PCDH15: variants seen among roughly 807,000 people sequenced by gnomAD.
PCDH15 encodes the protein protocadherin-15.
In PCDH15, 129 loss-of-function variants were observed where a neutral mutation model predicts 178.5. The ratio of observed to expected loss-of-function variants is 0.72; its 90% CI spans 0.63 to 0.84. The LOEUF (loss-of-function observed/expected upper bound fraction) is 0.84. Ranked by LOEUF, PCDH15 falls within the 40% of genes least tolerant of loss-of-function variation. The pLI, the probability that PCDH15 is intolerant of heterozygous loss-of-function variation, is 0.00. For missense variants in PCDH15, 2,230 were observed against 2,099.9 expected (o/e 1.06, Z -1.21); for synonymous variants, 800 against 732.0 (o/e 1.09, Z -1.50).
chr10:55,491,699 G>A (rs552844902), intron 2 of PCDH15, among the ~76,000 whole-genome samples: 69 of 150,292 alleles, frequency 4.6e-4, no homozygotes, highest in Admixed American at 4.4e-3. Flanking sequence ...TACACATGGA[G>A]CTCTTCAAAT....
chr10:54,505,253 GT>G, intron 3 of PCDH15, among the ~76,000 whole-genome samples: 1 of 152,100 alleles, frequency 6.6e-6, no homozygotes, highest in African/African-American at 2.4e-5. Flanking sequence ...ATATTACAAA[GT>G]TATTTTCAGT....
At chr10:54,815,753 A>G (rs544421772) in intron 3 of PCDH15, among the ~76,000 whole-genome samples, 103 of 152,210 alleles carry the variant, frequency 6.8e-4, no homozygotes, top group African/African-American at 2.3e-3. Context: ...TGCTATATAG[A>G]TTGAGGTCTG....
In PCDH15 at chr10:53,866,637, C is replaced by T. The variant is rs1190345097; in HGVS notation, c.3717+5G>A. On this transcript the variant is annotated splice_donor_5th_base_variant and intron_variant, in intron 27 of 37. Coordinates refer to ENST00000644397, the MANE Select transcript of PCDH15 (RefSeq NM_001384140.1). Reference sequence around the variant, plus strand: ...CTTCCCTTTCCTGAAGTTTTATCTACTTACGAGTACATCGGCTTTGCCGCT... The same window carrying T: ...CTTCCCTTTCCTGAAGTTTTATCTATTTACGAGTACATCGGCTTTGCCGCT... 1 of 1,612,162 alleles carries T rather than the reference C, an allele frequency of 6.2e-7. No individual in the cohort carries two copies. The highest frequency in any genetic ancestry group is 8.5e-7 in the Non-Finnish European group (1 of 1,178,472).
chr10:54,467,077 A>G (rs998370102), intron 3 of PCDH15, among the ~76,000 whole-genome samples: 2 of 151,910 alleles, frequency 1.3e-5, no homozygotes, highest in African/African-American at 2.4e-5. Context: ...ATTTTCCTAG[A>G]TAGAAGATTA....
intron 2 of PCDH15, among the ~76,000 whole-genome samples, chr10:55,550,602 A>T (rs2132087357): frequency 6.6e-6 from 1 of 152,288 alleles, no homozygotes; most frequent in South Asian, 2.1e-4. Flanking sequence ...ACTTACTATT[A>T]TTTCACATTT....
intron 2 of PCDH15, among the ~76,000 whole-genome samples, chr10:54,996,280 C>T (rs1025873837): frequency 6.6e-6 from 1 of 152,168 alleles, no homozygotes; most frequent in African/African-American, 2.4e-5. Flanking sequence ...TGACATTTGA[C>T]ATCTGAGTTT....
intron 2 of PCDH15, among the ~76,000 whole-genome samples, chr10:55,471,307 G>C (rs1206075320): frequency 6.6e-6 from 1 of 152,020 alleles, no homozygotes; most frequent in Non-Finnish European, 1.5e-5. Flanking sequence ...TTATTAAATA[G>C]CCTTTAGTTT....
intron 1 of PCDH15, among the ~76,000 whole-genome samples, chr10:54,735,073 A>G (rs1443608103): frequency 6.6e-6 from 1 of 152,092 alleles, no homozygotes; most frequent in Admixed American, 6.6e-5. Context: ...AAATCATAAT[A>G]CAACTGACTT....
intron 18 of PCDH15, among the ~76,000 whole-genome samples, chr10:54,066,512 A>G (rs2094139609): frequency 1.3e-5 from 2 of 152,210 alleles, no homozygotes; most frequent in Non-Finnish European, 2.9e-5. Context: ...AAAAATATAT[A>G]TTAAATTAGC....
intron 1 of PCDH15, among the ~76,000 whole-genome samples, chr10:54,776,286 G>A (rs993701764): frequency 1.3e-5 from 2 of 152,074 alleles, no homozygotes; most frequent in Non-Finnish European, 2.9e-5. Context: ...TGGATAAATG[G>A]TCAATAGTGA....
chr10:55,339,290 T>TAACAACAACAACAAC (rs34058084), intron 2 of PCDH15, among the ~76,000 whole-genome samples: 4 of 150,534 alleles, frequency 2.7e-5, no homozygotes, highest in African/African-American at 9.8e-5. Context: ...CCATAACAAT[T>TAACAACAACAACAAC]AACAACAACA....
rs149340455 is a variant in PCDH15, at chr10:53,920,440, A to G, written c.3374-17070T>C. ...ATATTAGGATATTACAATATAATTG[A>G]AAAAGATATATAATTTAAAAAAATC... On this transcript the variant is annotated intron_variant, in intron 25 of 37. Coordinates refer to ENST00000644397, the MANE Select transcript of PCDH15 (RefSeq NM_001384140.1). Among the ~76,000 whole-genome samples the G allele has an allele frequency of 1.1e-4, 17 of 152,150 alleles. No individual in the cohort carries two copies. The East Asian group carries it at 2.9e-3, about 26-fold the overall frequency.
chr10:55,561,096 T>C (rs1449715176), intron 2 of PCDH15, among the ~76,000 whole-genome samples: 1 of 151,782 alleles, frequency 6.6e-6, no homozygotes, highest in East Asian at 1.9e-4. Flanking sequence ...AACTCAGGTG[T>C]TATCTAGGGA....
intron 21 of PCDH15, among the ~76,000 whole-genome samples, chr10:53,974,678 T>G (rs1349808511): frequency 1.3e-5 from 2 of 152,198 alleles, no homozygotes; most frequent in African/African-American, 4.8e-5. Context: ...GCTGCCTTAG[T>G]GATCACTCTT....
At chr10:54,652,682 G>T (rs2094289734) in intron 2 of PCDH15, among the ~76,000 whole-genome samples, 1 of 152,124 alleles carries the variant, frequency 6.6e-6, no homozygotes, top group African/African-American at 2.4e-5. Context: ...CTGTACAGAA[G>T]GGCAACAATG....
intron 3 of PCDH15, among the ~76,000 whole-genome samples, chr10:54,462,078 G>A (rs10159825): frequency 0.057 from 8,697 of 151,862 alleles, 600 homozygotes; most frequent in African/African-American, 0.17. Flanking sequence ...ATCTTCACTG[G>A]TTATCCTTTT....
At position 54,079,397 on chromosome 10, in the gene PCDH15, TGCTTTC is replaced by T. The variant is rs775642616; in HGVS notation, c.2019_2024del (p.Lys674_Ala675del). The T allele has an allele frequency of 6.2e-7, 1 of 1,614,124 alleles. No homozygotes were observed. The highest frequency in any genetic ancestry group is 1.1e-5 in the South Asian group (1 of 91,082). ...AGCGATCAGTGCTTTCCCTGTCCAG[TGCTTTC>T]CCTAAGGTTAGAATCCCCGTGCTAG... On this transcript the variant is annotated inframe_deletion, in exon 17 of 38. Coordinates refer to ENST00000644397, the MANE Select transcript of PCDH15 (RefSeq NM_001384140.1).
rs138208416 is a variant in PCDH15, at chr10:55,223,490, A to G, written c.-155-56839T>C. On this transcript the variant is annotated intron_variant, in intron 1 of 5. Transcript: ENST00000458638. ...TCCCAATGCCTATGACTATATTGAA[A>G]GAGTTGTAAGAAACGTAGTCTCTTT... 2.8e-3 allele frequency among the ~76,000 whole-genome samples: 421 copies of G among 152,258 alleles called. 3 individuals carry two copies. Among genetic ancestry groups the G allele is most frequent in the Non-Finnish European group, 2.8e-3 (191 of 68,022 alleles).
intron 1 of PCDH15, among the ~76,000 whole-genome samples, chr10:55,270,055 G>A (rs1472205676): frequency 2.6e-5 from 4 of 152,106 alleles, no homozygotes; most frequent in African/African-American, 9.7e-5. Flanking sequence ...TCAATAAATG[G>A]TCCTGGGTTA....
Sources: allele counts gnomAD v4.1 joint callset (sites outside exome capture counted in the v4.1 genomes callset), GRCh38; gene constraint gnomAD v4.1.1; transcripts MANE v1.5; gene names NCBI Gene and HGNC (gene_info 2026-07-23, HGNC 2026-07-21).